Variants in C16orf95 observed in about 807,000 individuals in gnomAD.
C16orf95 encodes chromosome 16 open reading frame 95, also known as uncharacterized protein C16orf95.
C16orf95 carries 41 observed loss-of-function variants against 32.1 expected under a neutral mutation model. The ratio of observed to expected loss-of-function variants is 1.28; its 90% CI spans 1.00 to 1.66. The LOEUF (loss-of-function observed/expected upper bound fraction) is 1.66, where lower values mean the gene tolerates loss of function less well. Among genes scored for constraint, C16orf95 ranks in the 40% most tolerant of loss-of-function variants. The probability of loss-of-function intolerance (pLI) is 0.00; values close to 1 mark genes in which losing one functional copy is unlikely to be tolerated. For missense variants in C16orf95, 399 were observed against 325.9 expected (o/e 1.22, Z -1.73); for synonymous variants, 147 against 128.9 (o/e 1.14, Z -0.95).
chr16:87,311,099 G>C (rs557407793), intron 4 of C16orf95, 51 bp downstream of exon 4: 2 of 1,379,042 alleles, frequency 1.5e-6, no homozygotes, highest in Non-Finnish European at 1.9e-6. Context: ...CCCTTCCCCC[G>C]GCCCCCACCT....
At position 87,317,152 on chromosome 16, in the gene C16orf95, G is replaced by C. The variant is rs112047285; in HGVS notation, c.91C>G (p.Pro31Ala). The change falls in exon 1 of 7, where the codon CCG becomes GCG. Residue 31 changes from proline to alanine, a missense_variant. Physicochemically the swap from Pro to Ala is conservative, Grantham distance 27 (BLOSUM62 -1). Coordinates refer to ENST00000567970, the MANE Select transcript of C16orf95 (RefSeq NM_001195124.3). ...GAASGAAAGG[P>A]GAGCVGLCRL... ...CAGAGCCCGACGCACCCCGCGCCCGGCCCCCCGGCAGCAGCGCCTGAGGCT... is the reference window on the plus strand; with the variant it reads ...CAGAGCCCGACGCACCCCGCGCCCGCCCCCCCGGCAGCAGCGCCTGAGGCT... The C allele has an allele frequency of 1.3e-6, 2 of 1,531,564 alleles. No homozygotes were observed. Among genetic ancestry groups the C allele is most frequent in the Admixed American group, 2.0e-5 (1 of 50,380 alleles). The allele number at this position is 1,531,564 out of a possible 1,614,324, so 94.9% of individuals were successfully genotyped here. A position where few individuals can be genotyped will look rare whatever the true frequency, so the allele number is the denominator to read the frequency against.
chr16:87,307,496 C>T (rs138792992), intron 5 of C16orf95, among the ~76,000 whole-genome samples: 52 of 152,328 alleles, frequency 3.4e-4, no homozygotes, highest in Admixed American at 3.9e-4. Context: ...CGGTGGCTCA[C>T]GCCTGTCATC....
At position 87,314,990 on chromosome 16, in the gene C16orf95, G is replaced by C; in HGVS notation, c.311C>G (p.Ser104Cys). 1 of 1,536,120 alleles carries C rather than the reference G, an allele frequency of 6.5e-7. No homozygotes were observed. The highest frequency in any genetic ancestry group is 2.4e-5 in the East Asian group (1 of 40,914). ...EAALPYWVPL[S>C]LRPRKQSQKT... ...ACCTACCTGCTTTCGGGGTCTCAGG[G>C]ACAGAGGGACCCAGTAAGGCAGTGC... Residue 104 changes from serine to cysteine, a missense_variant, in exon 3 of 7, where the codon TCC becomes TGC. By Grantham distance (112) the Ser-to-Cys change is moderately radical. Transcript: ENST00000567970.
rs531802712 is a variant in C16orf95 at position 87,317,388 on chromosome 16, A to G, written c.-146T>C. On this transcript the variant is annotated 5_prime_UTR_variant, in exon 1 of 7. Transcript: ENST00000567970. ...AACCTCAACCGCTCAGAGGAGCCCA[A>G]CAACGCCCGCGCGCCCGCCCGTCCC... 9.3e-6 allele frequency: 13 copies of G among 1,391,554 alleles called. No homozygotes were observed. Among genetic ancestry groups the G allele is most frequent in the Admixed American group, 3.3e-5 (1 of 29,920 alleles). The allele number at this position is 1,391,554 out of a possible 1,614,324, so 86.2% of individuals were successfully genotyped here.
rs915080741 is a variant in C16orf95 at position 87,305,867 on chromosome 16, G to T, written c.553C>A (p.Arg185=). The change falls in exon 6 of 7, where the codon CGG becomes AGG. Residue 185 remains arginine (R), a synonymous_variant. Coordinates refer to ENST00000567970, the MANE Select transcript of C16orf95 (RefSeq NM_001195124.3). This position sits in a 1 kb window ranked among gnomAD's most constrained non-coding sequence, Gnocchi z 4.2. ...LDACCWHNCW[R]ICGDECLLSK... is the part of the protein sequence containing the mutation. ...AACAGGCACTCATCACCGCAGATCC[G>T]CCAGCAGTTGTGCCAGCAGCATGCA... 5 of 1,445,020 alleles carry T rather than the reference G, an allele frequency of 3.5e-6. No individual in the cohort carries two copies. The East Asian group carries it at 1.4e-4, about 40-fold the overall frequency. The allele number at this position is 1,445,020 out of a possible 1,614,324, so 89.5% of individuals were successfully genotyped here.
At chr16:87,316,501 C>T (rs1213894142) in intron 1 of C16orf95, among the ~76,000 whole-genome samples, 1 of 152,168 alleles carries the variant, frequency 6.6e-6, no homozygotes, top group Non-Finnish European at 1.5e-5. Flanking sequence ...TCATAATAAC[C>T]ATTATTATTA....
Position 87,317,229 on chromosome 16 carries a change from C to G in C16orf95, c.14G>C (p.Arg5Pro). ...ACAACGCCGCGGGGACGGTGGGGAC[C>G]GGCTCGCACGCATATGGCTTCTTAT... MRAS[R>P]SPPSPRRCHH... The change falls in exon 1 of 7, where the codon CGG (arginine) becomes CCG (proline). Residue 5 changes from arginine to proline, a missense_variant. Coordinates refer to ENST00000567970, the MANE Select transcript of C16orf95 (RefSeq NM_001195124.3). The G allele has an allele frequency of 6.5e-7, 1 of 1,527,208 alleles. No homozygotes were observed. Among genetic ancestry groups the G allele is most frequent in the Non-Finnish European group, 8.8e-7 (1 of 1,142,326 alleles). The allele number at this position is 1,527,208 out of a possible 1,614,324, so 94.6% of individuals were successfully genotyped here.
intron 6 of C16orf95, among the ~76,000 whole-genome samples, chr16:87,303,954 G>T (rs1799893093): frequency 6.6e-6 from 1 of 152,052 alleles, no homozygotes; most frequent in South Asian, 2.1e-4. Context: ...TGAGCCTGAG[G>T]CCAGGGCTTA....
intron 6 of C16orf95, chr16:87,303,658 A>G (rs549744910): frequency 1.9e-5 from 3 of 155,892 alleles, no homozygotes; most frequent in East Asian, 3.8e-4. Flanking sequence ...TGAATCACCA[A>G]CACCACAGAG....
rs992181426 is a variant in C16orf95, at chr16:87,316,657, G to A, written c.152+434C>T. Among the ~76,000 whole-genome samples the A allele has an allele frequency of 3.3e-5, 5 of 152,046 alleles. No individual in the cohort carries two copies. The East Asian group carries it at 5.8e-4, about 18-fold the overall frequency. ...CTATATTCCTGGTGGGGAGGGGGGGGGCCACAGCCATCTCAGTCCTTGTAG... is the reference window on the plus strand; with the variant it reads ...CTATATTCCTGGTGGGGAGGGGGGGAGCCACAGCCATCTCAGTCCTTGTAG... On this transcript the variant is annotated intron_variant, in intron 1 of 6. Transcript: ENST00000567970.
At chr16:87,306,833 A>C (rs1200957031) in intron 5 of C16orf95, among the ~76,000 whole-genome samples, 2 of 152,186 alleles carry the variant, frequency 1.3e-5, no homozygotes, top group Non-Finnish European at 2.9e-5. Flanking sequence ...CTAAACTACA[A>C]AACAATGATT....
Position 87,314,914 on chromosome 16 carries a change from G to C in C16orf95, c.330+57C>G, listed in dbSNP as rs1176225196. On this transcript the variant is annotated intron_variant, in intron 3 of 6. Transcript: ENST00000567970. ...TACTTCTAATTCTGAGGGGTGACTG[G>C]TCAACTGACATTCACCCTGGACCCT... The C allele has an allele frequency of 2.1e-6, 3 of 1,457,510 alleles. No individual in the cohort carries two copies. The African/African-American group carries it at 4.2e-5, about 21-fold the overall frequency. 90.3% of individuals were successfully genotyped at this position (1,457,510 alleles called of 1,614,324 possible). A position where few individuals can be genotyped will look rare whatever the true frequency, so the allele number is the denominator to read the frequency against.
intron 5 of C16orf95, among the ~76,000 whole-genome samples, chr16:87,308,412 C>T (rs1193609431): frequency 2.0e-5 from 3 of 151,850 alleles, no homozygotes; most frequent in Admixed American, 6.6e-5. Context: ...ACCCAGGAGG[C>T]GGAAGTTGTG....
chr16:87,310,569 G>A (rs1597345080), intron 4 of C16orf95, among the ~76,000 whole-genome samples: 1 of 152,324 alleles, frequency 6.6e-6, no homozygotes, highest in East Asian at 1.9e-4. Context: ...TACCACCCAG[G>A]ACACAGGGAA....
At chr16:87,316,807 T>A (rs758135047) in intron 1 of C16orf95, among the ~76,000 whole-genome samples, 4 of 152,096 alleles carry the variant, frequency 2.6e-5, no homozygotes, top group Non-Finnish European at 4.4e-5. Flanking sequence ...TCATCTTGCC[T>A]CCACAAGGGA....
At chr16:87,315,715 C>G (rs992788036) in intron 2 of C16orf95, 57 bp downstream of exon 2, 29 of 1,307,962 alleles carry the variant, frequency 2.2e-5, no homozygotes, top group Non-Finnish European at 3.0e-5. Flanking sequence ...CTGCTCTCCT[C>G]ACCCCACAGG....
chr16:87,305,751 G>C lies in C16orf95; in HGVS notation c.669C>G (p.Leu223=). 1 of 1,516,842 alleles carries C rather than the reference G, an allele frequency of 6.6e-7. No homozygotes were observed. Among genetic ancestry groups the C allele is most frequent in the South Asian group, 1.2e-5 (1 of 82,988 alleles). The allele number at this position is 1,516,842 out of a possible 1,614,324, so 94.0% of individuals were successfully genotyped here. Residue 223 remains leucine, a synonymous_variant, in exon 6 of 7, where the codon CTC becomes CTG. Coordinates refer to ENST00000567970, the MANE Select transcript of C16orf95 (RefSeq NM_001195124.3). This position sits in a 1 kb window ranked among gnomAD's most constrained non-coding sequence, Gnocchi z 4.2. ...RLLPLGLLTL[L]QAIPRVIMAI... ...CCATGATGACCCTCGGGATGGCCTG[G>C]AGGAGGGTCAGGAGGCCGAGGGGCA...
At chr16:87,316,386 A>G (rs1193600248) in intron 1 of C16orf95, among the ~76,000 whole-genome samples, 3 of 152,170 alleles carry the variant, frequency 2.0e-5, no homozygotes, top group Non-Finnish European at 2.9e-5. Context: ...GGCTGGATGA[A>G]GCGTCTCCAG....
At chr16:87,303,524 C>T in intron 6 of C16orf95, 1 of 175,104 alleles carries the variant, frequency 5.7e-6, no homozygotes, top group South Asian at 1.4e-4. Flanking sequence ...TGGCTTGGGG[C>T]ATCTCACAGG....
Sources: gnomAD v4.1 joint callset for allele counts (sites outside exome capture counted in the v4.1 genomes callset) on GRCh38, gnomAD v4.1.1 for gene constraint, Gnocchi (gnomAD v3.1) non-coding constraint, MANE v1.5 for transcripts, NCBI Gene and HGNC (gene_info 2026-07-23, HGNC 2026-07-21) for gene names.